NSRP1: variants seen among roughly 807,000 people sequenced by gnomAD.
NSRP1 encodes nuclear speckle splicing regulatory protein 1.
In NSRP1, 24 loss-of-function variants were observed where a neutral mutation model predicts 54.7. The ratio of observed to expected loss-of-function variants is 0.44; its 90% CI spans 0.32 to 0.62. NSRP1 has a LOEUF of 0.62. Among genes scored for constraint, NSRP1 ranks in the 20% least tolerant of loss-of-function variants. The pLI is 0.06. For synonymous variants in NSRP1, 210 were observed against 213.8 expected (o/e 0.98, Z 0.15); for missense variants, 596 against 651.2 (o/e 0.92, Z 0.92).
chr17:30,120,959 T>C (rs1714131929), intron 2 of NSRP1, among the ~76,000 whole-genome samples: 1 of 152,184 alleles, frequency 6.6e-6, no homozygotes, highest in African/African-American at 2.4e-5. Flanking sequence ...TTAAATAACA[T>C]TCAAGGCTGG....
intron 2 of NSRP1, among the ~76,000 whole-genome samples, chr17:30,131,372 G>C (rs190934270): frequency 6.6e-6 from 1 of 152,026 alleles, no homozygotes; most frequent in Non-Finnish European, 1.5e-5. Flanking sequence ...AGATGGAAAT[G>C]ATAGTTCAAA....
chr17:30,118,822 C>G (rs1338356697), intron 2 of NSRP1, among the ~76,000 whole-genome samples: 1 of 150,854 alleles, frequency 6.6e-6, no homozygotes, highest in Non-Finnish European at 1.5e-5. Context: ...GATCTCGGCT[C>G]ACTGCAACCT....
At chr17:30,176,273 C>T (rs1905123016) in intron 3 of NSRP1, among the ~76,000 whole-genome samples, 1 of 152,020 alleles carries the variant, frequency 6.6e-6, no homozygotes, top group South Asian at 2.1e-4. Flanking sequence ...CAAGTGCTCC[C>T]CTACAGCTCT....
At chr17:30,161,020 A>G (rs1567801032) in intron 2 of NSRP1, among the ~76,000 whole-genome samples, 1 of 152,170 alleles carries the variant, frequency 6.6e-6, no homozygotes, top group Non-Finnish European at 1.5e-5. Context: ...ATGGATAAAC[A>G]ATTTGTGCCA....
chr17:30,122,585 G>T (rs1225283007), intron 2 of NSRP1: 2 of 150,098 alleles, frequency 1.3e-5, no homozygotes, highest in East Asian at 3.9e-4. Context: ...TGTACTTTTA[G>T]TAGAGACAGG....
chr17:30,140,340 C>T (rs770476116), intron 2 of NSRP1, among the ~76,000 whole-genome samples: 4 of 151,934 alleles, frequency 2.6e-5, no homozygotes, highest in Admixed American at 1.3e-4. Context: ...TAAACCCATG[C>T]ATGTAAACAA....
chr17:30,158,901 G>A (rs1904414122), intron 2 of NSRP1, among the ~76,000 whole-genome samples: 4 of 152,254 alleles, frequency 2.6e-5, no homozygotes, highest in Admixed American at 6.5e-5. Flanking sequence ...GTAGTGTGAT[G>A]CCTCTAGCTG....
Position 30,181,901 on chromosome 17 carries a change from C to T in NSRP1, c.617+885C>T, listed in dbSNP as rs150542022. On this transcript the variant is annotated intron_variant, in intron 6 of 6. Coordinates refer to ENST00000247026, the MANE Select transcript of NSRP1 (RefSeq NM_032141.4). ...CTGGGATTATATGCATGAGCCACCA[C>T]GCCCAGCCTCTTTTTGTATTTTTGT... Among the ~76,000 whole-genome samples, 944 of 152,074 alleles carry T rather than the reference C, an allele frequency of 6.2e-3. 5 individuals carry two copies. Among genetic ancestry groups the T allele is most frequent in the African/African-American group, 0.022 (907 of 41,482 alleles).
intron 2 of NSRP1, among the ~76,000 whole-genome samples, chr17:30,171,293 T>C (rs1904922238): frequency 6.7e-6 from 1 of 148,860 alleles, no homozygotes; most frequent in South Asian, 2.1e-4. Flanking sequence ...CACATTTATA[T>C]TGTAATTGTC....
At chr17:30,117,101 G>T in intron 1 of NSRP1, 1 of 758,588 alleles carries the variant, frequency 1.3e-6, no homozygotes, top group Non-Finnish European at 2.4e-6. Context: ...AGGCTGAGGG[G>T]CAGAGAGCGA....
intron 2 of NSRP1, among the ~76,000 whole-genome samples, chr17:30,162,886 C>A: frequency 6.6e-6 from 1 of 151,676 alleles, no homozygotes; most frequent in Non-Finnish European, 1.5e-5. Flanking sequence ...GACCTAATTC[C>A]CTTTTTTTTT....
chr17:30,166,369 C>A (rs868558128), intron 2 of NSRP1, among the ~76,000 whole-genome samples: 15 of 152,120 alleles, frequency 9.9e-5, no homozygotes, highest in African/African-American at 3.4e-4. Context: ...TTTTCTCTTG[C>A]TGAGTTCAAT....
At position 30,141,512 on chromosome 17, in the gene NSRP1, G is replaced by GT. The variant is rs529769212; in HGVS notation, c.114+23346dup. On this transcript the variant is annotated intron_variant, in intron 2 of 6. Coordinates refer to ENST00000247026, the MANE Select transcript of NSRP1 (RefSeq NM_032141.4). ...CCCATGTGACTTCTGTTTTTTTGTAGTTTTTTTACATTTTCTTAGTATCTT... is the reference window on the plus strand; with the variant it reads ...CCCATGTGACTTCTGTTTTTTTGTAGTTTTTTTTACATTTTCTTAGTATCTT... Among the ~76,000 whole-genome samples the GT allele has an allele frequency of 1.0e-3, 153 of 151,764 alleles. 2 individuals carry two copies. The Middle Eastern group carries it at 0.01, about 10-fold the overall frequency.
Position 30,129,094 on chromosome 17 carries a change from A to G in NSRP1, c.114+10921A>G, listed in dbSNP as rs192650615. Among the ~76,000 whole-genome samples, 909 of 151,476 alleles carry G rather than the reference A, an allele frequency of 6.0e-3. 4 individuals are homozygous for G. The highest frequency in any genetic ancestry group is 0.021 in the African/African-American group (875 of 41,314). ...TTTATACTTTTCTGTATTTTCAACTATTTTTTAAGAAAAATTATGGTGAAT... is the reference window on the plus strand; with the variant it reads ...TTTATACTTTTCTGTATTTTCAACTGTTTTTTAAGAAAAATTATGGTGAAT... On this transcript the variant is annotated intron_variant, in intron 2 of 6. Coordinates refer to ENST00000247026, the MANE Select transcript of NSRP1 (RefSeq NM_032141.4).
intron 6 of NSRP1, among the ~76,000 whole-genome samples, chr17:30,183,249 G>A (rs1905378973): frequency 6.6e-6 from 1 of 151,816 alleles, no homozygotes; most frequent in Non-Finnish European, 1.5e-5. Flanking sequence ...TAACAGGAAT[G>A]TTCTGGGTAG....
chr17:30,117,897 A>T (rs2071557021), intron 1 of NSRP1, 183 bp from the exon 2 acceptor site: 1 of 515,028 alleles, frequency 1.9e-6, no homozygotes, highest in Non-Finnish European at 3.5e-6. Flanking sequence ...TAGAGTAGTA[A>T]TTATAGAATC....
At chr17:30,165,462 C>A (rs1229827670) in intron 2 of NSRP1, among the ~76,000 whole-genome samples, 1 of 152,178 alleles carries the variant, frequency 6.6e-6, no homozygotes, top group Non-Finnish European at 1.5e-5. Flanking sequence ...CTGTACATTT[C>A]TTTGAAGTTT....
Position 30,184,709 on chromosome 17 carries a change from G to A in NSRP1, c.712G>A (p.Val238Met), listed in dbSNP as rs1469872676. 6.2e-7 allele frequency: 1 copy of A among 1,614,020 alleles called. No homozygotes were observed. Among genetic ancestry groups the A allele is most frequent in the South Asian group, 1.1e-5 (1 of 91,018 alleles). ...PQEKCILQTD[V>M]KVEENPDADS... ...AGAGAAATGCATTCTTCAAACTGAT[G>A]TGAAAGTAGAGGAAAACCCAGATGC... Residue 238 changes from valine to methionine, a missense_variant, in exon 7 of 7, where the codon GTG (valine) becomes ATG (methionine). Coordinates refer to ENST00000247026, the MANE Select transcript of NSRP1 (RefSeq NM_032141.4).
intron 2 of NSRP1, among the ~76,000 whole-genome samples, chr17:30,171,411 T>A (rs1216584424): frequency 6.6e-6 from 1 of 151,540 alleles, no homozygotes; most frequent in Non-Finnish European, 1.5e-5. Context: ...GTGCAAGTGA[T>A]TCTCATGTCT....
Sources: gnomAD v4.1 joint callset for allele counts (sites outside exome capture counted in the v4.1 genomes callset) on GRCh38, gnomAD v4.1.1 for gene constraint, MANE v1.5 for transcripts, NCBI Gene and HGNC (gene_info 2026-07-23, HGNC 2026-07-21) for gene names.